Variants in ANKFN1 observed in about 807,000 individuals in gnomAD.
The protein encoded by ANKFN1 is ankyrin repeat and fibronectin type-III domain-containing protein 1.
Under a neutral mutation model 108.7 loss-of-function variants are expected in ANKFN1, and 74 were observed. The observed-to-expected ratio is 0.68, with a 90% CI of 0.56 to 0.83. ANKFN1 has a LOEUF of 0.83. Among genes scored for constraint, ANKFN1 ranks in the 40% least tolerant of loss-of-function variants. The probability of loss-of-function intolerance (pLI) is 0.00; values close to 1 mark genes in which losing one functional copy is unlikely to be tolerated. For synonymous variants in ANKFN1, 547 were observed against 516.2 expected, an observed-to-expected ratio of 1.06 and a Z score of -0.81; for missense variants, 1,505 against 1,382.3, an observed-to-expected ratio of 1.09 and a Z score of -1.41.
In ANKFN1 at chr17:56,153,520, C is replaced by G. The variant is rs746334209; in HGVS notation, c.-81C>G. On this transcript the variant is annotated 5_prime_UTR_variant, in exon 1 of 21. Transcript: ENST00000682825. The stretch of plus-strand genomic sequence containing the variant: ...AGTCCTGTGTCTCTCATGGAGGCGT[C>G]TCTAACCAGGGTAGGAAAACAATAG... The G allele has an allele frequency of 1.9e-6, 3 of 1,614,140 alleles. No homozygotes were observed. In the East Asian group the frequency reaches 6.7e-5, roughly 36 times the overall value.
chr17:56,323,846 C>G (rs2045441191), intron 3 of ANKFN1, among the ~76,000 whole-genome samples: 1 of 152,136 alleles, frequency 6.6e-6, no homozygotes, highest in Non-Finnish European at 1.5e-5. Flanking sequence ...TAAACTCTTA[C>G]AATATAATGG....
At chr17:56,290,028 G>C (rs538051417) in intron 3 of ANKFN1, among the ~76,000 whole-genome samples, 23 of 152,242 alleles carry the variant, frequency 1.5e-4, no homozygotes, top group South Asian at 4.2e-4. Flanking sequence ...TTGTAGGGCT[G>C]GGATGCAAAC....
chr17:56,441,527 C>T (rs1375473639), intron 9 of ANKFN1, among the ~76,000 whole-genome samples: 1 of 152,062 alleles, frequency 6.6e-6, no homozygotes, highest in East Asian at 1.9e-4. Context: ...TGGGTGGCCC[C>T]CAGAGATGCT....
intron 4 of ANKFN1, among the ~76,000 whole-genome samples, chr17:56,087,800 A>G (rs73325638): frequency 0.033 from 4,960 of 151,404 alleles, 349 homozygotes; most frequent in African/African-American, 0.11. Flanking sequence ...GTGTGCCTAT[A>G]ATCCATGGCG....
chr17:56,170,807 T>TATATATATACACAC lies in ANKFN1; in HGVS notation c.-71+17278_-71+17279insTATATATACACACA, dbSNP rs1361307404. Among the ~76,000 whole-genome samples, 168 of 61,410 alleles carry TATATATATACACAC rather than the reference T, an allele frequency of 2.7e-3. 1 individual carries two copies. The highest frequency in any genetic ancestry group is 7.2e-3 in the African/African-American group (103 of 14,338). The allele number at this position is 61,410 out of a possible 152,430, so 40.3% of individuals were successfully genotyped here. Reference sequence around the variant, plus strand: ...ATATATATATATATATATATATATATACACACACACACACACACACACACA... The same window carrying TATATATATACACAC: ...ATATATATATATATATATATATATATATATATATACACACACACACACACACACACACACACACA... On this transcript the variant is annotated intron_variant, in intron 1 of 20. Coordinates refer to ENST00000682825, the MANE Select transcript of ANKFN1 (RefSeq NM_001370326.1).
intron 3 of ANKFN1, among the ~76,000 whole-genome samples, chr17:56,307,584 G>A (rs2044869633): frequency 6.6e-6 from 1 of 152,210 alleles, no homozygotes; most frequent in Admixed American, 6.5e-5. Context: ...AACAACAGGT[G>A]CTGGAGAGGA....
chr17:56,270,745 T>G (rs946794259), intron 3 of ANKFN1, among the ~76,000 whole-genome samples: 3 of 152,156 alleles, frequency 2.0e-5, no homozygotes, highest in African/African-American at 7.2e-5. Context: ...GAGCTTCTGT[T>G]CTCTAACTTG....
At chr17:56,456,994 A>T in intron 12 of ANKFN1, 34 bp downstream of exon 12, 1 of 1,582,394 alleles carries the variant, frequency 6.3e-7, no homozygotes, top group Non-Finnish European at 8.7e-7. Context: ...GGAAATCTTA[A>T]CTTTTCAAGA....
intron 4 of ANKFN1, among the ~76,000 whole-genome samples, chr17:56,082,259 T>TTTG (rs147027830): frequency 7.3e-5 from 11 of 151,608 alleles, no homozygotes; most frequent in South Asian, 4.2e-4. Flanking sequence ...CAACCAAGTT[T>TTTG]TTGTTGTTGT....
chr17:56,314,623 G>A (rs1306107631), intron 3 of ANKFN1, among the ~76,000 whole-genome samples: 1 of 152,134 alleles, frequency 6.6e-6, no homozygotes, highest in Non-Finnish European at 1.5e-5. Context: ...AGAGAATTAA[G>A]ACTCAGGTCA....
chr17:56,448,868 C>T (rs2049383804), intron 10 of ANKFN1, among the ~76,000 whole-genome samples: 1 of 152,158 alleles, frequency 6.6e-6, no homozygotes. Flanking sequence ...CTGCCCGACA[C>T]AAGAAACCAA....
At chr17:56,282,819 C>G (rs941213628) in intron 3 of ANKFN1, among the ~76,000 whole-genome samples, 5 of 151,850 alleles carry the variant, frequency 3.3e-5, no homozygotes, top group Non-Finnish European at 7.4e-5. Flanking sequence ...ACTTTATTAA[C>G]TGTTATTCTT....
intron 4 of ANKFN1, among the ~76,000 whole-genome samples, chr17:56,120,016 T>G (rs980383118): frequency 2.0e-5 from 3 of 152,178 alleles, no homozygotes; most frequent in Non-Finnish European, 4.4e-5. Context: ...GGATGTTGTT[T>G]CCATTAATCT....
intron 1 of ANKFN1, among the ~76,000 whole-genome samples, chr17:56,170,836 A>G (rs1348421349): frequency 7.0e-6 from 1 of 142,340 alleles, no homozygotes; most frequent in Non-Finnish European, 1.5e-5. Context: ...ACACACACAT[A>G]TACACACATA....
At position 56,218,249 on chromosome 17, in the gene ANKFN1, C is replaced by T. The variant is rs190964864; in HGVS notation, c.12+5570C>T. Among the ~76,000 whole-genome samples, 17 of 143,908 alleles carry T rather than the reference C, an allele frequency of 1.2e-4. No individual in the cohort carries two copies. In the East Asian group the frequency reaches 3.8e-3, roughly 32 times the overall value. 94.4% of individuals were successfully genotyped at this position (143,908 alleles called of 152,430 possible). On this transcript the variant is annotated intron_variant, in intron 2 of 20. Transcript: ENST00000682825. ...CCCTCTTCCCTCCCCTATGTTACTC[C>T]TCTGATTCAGTTCCTCAACACAAAT...
intron 6 of ANKFN1, among the ~76,000 whole-genome samples, chr17:56,365,544 T>A (rs2046637278): frequency 6.6e-6 from 1 of 152,166 alleles, no homozygotes; most frequent in Non-Finnish European, 1.5e-5. Flanking sequence ...GGATCACCCA[T>A]ATGTAAGGGC....
rs2045460056 is a variant in ANKFN1 at position 56,324,461 on chromosome 17, C to T, written c.54-1760C>T. ...CAGTGGCACTCTCCCCTTAGGTCTG[C>T]ATGGCACGTGTAACTCATGACCCCT... is the stretch of plus-strand genomic sequence containing the variant. On this transcript the variant is annotated intron_variant, in intron 3 of 20. Transcript: ENST00000682825. Among the ~76,000 whole-genome samples the T allele has an allele frequency of 2.0e-5, 3 of 152,168 alleles. No homozygotes were observed. In the South Asian group the frequency reaches 6.2e-4, roughly 32 times the overall value.
intron 2 of ANKFN1, among the ~76,000 whole-genome samples, chr17:56,219,510 G>A (rs939966609): frequency 6.6e-6 from 1 of 152,120 alleles, no homozygotes; most frequent in Non-Finnish European, 1.5e-5. Flanking sequence ...GCCTCCCAAA[G>A]TACTGGAGTT....
In ANKFN1 at chr17:56,399,853, A is replaced by T. The variant is rs201372797; in HGVS notation, c.910+25139A>T. Among the ~76,000 whole-genome samples, 24 of 38,704 alleles carry T rather than the reference A, an allele frequency of 6.2e-4. No homozygotes were observed. The East Asian group carries it at 0.066, about 107-fold the overall frequency. 25.4% of individuals were successfully genotyped at this position (38,704 alleles called of 152,430 possible). A position where few individuals can be genotyped will look rare whatever the true frequency, so the allele number is the denominator to read the frequency against. On this transcript the variant is annotated intron_variant, in intron 8 of 20. Transcript: ENST00000682825. ...GTAGTATTCCATTTTTTATATATAT[A>T]TATATATATATATATATGTATCATT...
Sources: gnomAD v4.1 joint callset for allele counts (sites outside exome capture counted in the v4.1 genomes callset) on GRCh38, gnomAD v4.1.1 for gene constraint, MANE v1.5 for transcripts, NCBI Gene and HGNC (gene_info 2026-07-23, HGNC 2026-07-21) for gene names.